The following WWC1 variants were observed in gnomAD, a reference collection of about 807,000 sequenced individuals.
The protein encoded by WWC1 is protein KIBRA.
A neutral mutation model predicts 138.4 loss-of-function variants in WWC1; 55 were observed. That is an observed-to-expected ratio of 0.40 (90% CI 0.32 to 0.50). The LOEUF (loss-of-function observed/expected upper bound fraction) is 0.50, where lower values mean the gene tolerates loss of function less well. Ranked by LOEUF, WWC1 falls within the 20% of genes least tolerant of loss-of-function variation. The probability of loss-of-function intolerance (pLI) is 0.72; values close to 1 mark genes in which losing one functional copy is unlikely to be tolerated. For synonymous variants in WWC1, 524 were observed against 564.9 expected, an observed-to-expected ratio of 0.93 and a Z score of 1.03; for missense variants, 1,226 against 1,420.4, an observed-to-expected ratio of 0.86 and a Z score of 2.20.
At chr5:168,457,156 T>A (rs1057177254) in intron 19 of WWC1, among the ~76,000 whole-genome samples, 2 of 151,710 alleles carry the variant, frequency 1.3e-5, no homozygotes, top group African/African-American at 4.8e-5. Flanking sequence ...TTTTTTTTTT[T>A]TTTTTTAGCA....
At chr5:168,428,339 A>G (rs936198375) in intron 12 of WWC1, among the ~76,000 whole-genome samples, 198 bp downstream of exon 12, 9 of 152,156 alleles carry the variant, frequency 5.9e-5, no homozygotes, top group Non-Finnish European at 1.3e-4. Context: ...GAGATGCTTC[A>G]GGTTTGGGGG....
intron 1 of WWC1, among the ~76,000 whole-genome samples, chr5:168,364,784 G>A (rs918324155): frequency 2.3e-4 from 35 of 152,268 alleles, no homozygotes; most frequent in African/African-American, 6.5e-4. Context: ...CCCCAGAGCC[G>A]CCAAAGCTGA....
chr5:168,372,053 TTG>T (rs10595228), intron 2 of WWC1, among the ~76,000 whole-genome samples: 18,793 of 141,090 alleles, frequency 0.13, 1,441 homozygotes, highest in East Asian at 0.26. Context: ...AAGAGTGTGT[TTG>T]TGTGTGTGTG....
intron 6 of WWC1, among the ~76,000 whole-genome samples, chr5:168,406,983 T>C (rs1167906215): frequency 1.3e-5 from 2 of 149,236 alleles, no homozygotes; most frequent in Non-Finnish European, 3.0e-5. Flanking sequence ...AGAGAGAGAG[T>C]CTTGCTATGT....
chr5:168,324,494 C>G (rs566554731), intron 1 of WWC1, among the ~76,000 whole-genome samples: 20 of 152,062 alleles, frequency 1.3e-4, no homozygotes, highest in South Asian at 1.0e-3. Context: ...AAACTTAGAT[C>G]TACGTGAGAA....
Position 168,346,853 on chromosome 5 carries a change from T to C in WWC1, c.120-24571T>C, listed in dbSNP as rs554877918. Among the ~76,000 whole-genome samples the C allele has an allele frequency of 1.5e-4, 23 of 152,146 alleles. 1 individual carries two copies. Among genetic ancestry groups the C allele is most frequent in the Non-Finnish European group, 2.8e-4 (19 of 68,030 alleles). ...ATTAGAGGAGGAGCCGTTTGGTTGG[T>C]GTCAGGCACTGTGTTTCGACCTGTT... is the stretch of plus-strand genomic sequence containing the variant. On this transcript the variant is annotated intron_variant, in intron 1 of 22. Transcript: ENST00000265293.
At chr5:168,394,623 G>A (rs1350568210) in intron 3 of WWC1, among the ~76,000 whole-genome samples, 1 of 152,196 alleles carries the variant, frequency 6.6e-6, no homozygotes, top group Non-Finnish European at 1.5e-5. Context: ...CTACTCGGGA[G>A]GCTGAGGCAG....
chr5:168,428,640 C>A, intron 12 of WWC1, 67 bp from the exon 13 acceptor site: 1 of 1,516,914 alleles, frequency 6.6e-7, no homozygotes, highest in Non-Finnish European at 9.1e-7. Context: ...GGGATGTAAC[C>A]TCAGCCTCCC....
chr5:168,392,943 G>A (rs1006890638), intron 3 of WWC1, among the ~76,000 whole-genome samples: 6 of 152,062 alleles, frequency 3.9e-5, no homozygotes, highest in African/African-American at 1.4e-4. Context: ...ATATGGTCAG[G>A]AAACAAGAAC....
In WWC1 at chr5:168,429,895, A is replaced by C. The variant is rs577103847; in HGVS notation, c.2001-242A>C. Among the ~76,000 whole-genome samples the C allele has an allele frequency of 3.3e-5, 5 of 152,228 alleles. No individual in the cohort carries two copies. The South Asian group carries it at 8.3e-4, about 25-fold the overall frequency. On this transcript the variant is annotated intron_variant, in intron 13 of 22. Coordinates refer to ENST00000265293, the MANE Select transcript of WWC1 (RefSeq NM_015238.3). ...GGCTACCATGAGCCCCGATCATGCC[A>C]CTGCACTCAACCTGGATGACAGAGT...
Position 168,395,669 on chromosome 5 carries a change from C to T in WWC1, c.434-2055C>T, listed in dbSNP as rs1246246596. Among the ~76,000 whole-genome samples the T allele has an allele frequency of 2.6e-5, 4 of 152,306 alleles. No individual in the cohort carries two copies. The East Asian group carries it at 7.7e-4, about 29-fold the overall frequency. Reference sequence around the variant, plus strand: ...AAACTTTAAATTGGCAATAAAACATCTCTGTACATGGATTCCCTGTTCCAT... The same window carrying T: ...AAACTTTAAATTGGCAATAAAACATTTCTGTACATGGATTCCCTGTTCCAT... On this transcript the variant is annotated intron_variant, in intron 3 of 22. Coordinates refer to ENST00000265293, the MANE Select transcript of WWC1 (RefSeq NM_015238.3).
At chr5:168,323,183 G>A (rs1772258641) in intron 1 of WWC1, among the ~76,000 whole-genome samples, 1 of 152,140 alleles carries the variant, frequency 6.6e-6, no homozygotes, top group African/African-American at 2.4e-5. Context: ...TGCTAGATGA[G>A]TTTAATAGTA....
At chr5:168,446,305 AAGAG>A (rs1168100556) in intron 17 of WWC1, among the ~76,000 whole-genome samples, 1 of 151,072 alleles carries the variant, frequency 6.6e-6, no homozygotes, top group Non-Finnish European at 1.5e-5. Flanking sequence ...GCTATTGCCG[AAGAG>A]AGACTTTCTC....
intron 10 of WWC1, among the ~76,000 whole-genome samples, chr5:168,422,834 G>C (rs1250143001): frequency 6.6e-6 from 1 of 152,008 alleles, no homozygotes; most frequent in Admixed American, 6.5e-5. Context: ...TTTTAATATA[G>C]ATGTTTTAAA....
At chr5:168,455,286 T>G in intron 18 of WWC1, 70 bp from the exon 19 acceptor site, 1 of 1,493,116 alleles carries the variant, frequency 6.7e-7, no homozygotes, top group Non-Finnish European at 8.9e-7. Context: ...GAGGAGCAGC[T>G]GAGTGGTCTC....
intron 14 of WWC1, 41 bp from the exon 15 acceptor site, chr5:168,431,211 T>C (rs761151930): frequency 1.9e-6 from 3 of 1,561,794 alleles, no homozygotes; most frequent in East Asian, 4.5e-5. Flanking sequence ...GCCCCAGACA[T>C]GGGCTGACCC....
At chr5:168,327,412 G>T (rs1772656629) in intron 1 of WWC1, among the ~76,000 whole-genome samples, 1 of 152,246 alleles carries the variant, frequency 6.6e-6, no homozygotes. Flanking sequence ...GTTTATGATG[G>T]AAAGGATCTT....
intron 1 of WWC1, among the ~76,000 whole-genome samples, chr5:168,357,493 T>TGTGTGTGTGTGTGTGCGC (rs1353607261): frequency 8.3e-6 from 1 of 119,810 alleles, no homozygotes; most frequent in African/African-American, 4.3e-5. Flanking sequence ...TGTGTGTGTG[T>TGTGTGTGTGTGTGTGCGC]GCGCGCGCGC....
At chr5:168,457,851 T>A (rs1446038507) in intron 19 of WWC1, among the ~76,000 whole-genome samples, 1 of 152,232 alleles carries the variant, frequency 6.6e-6, no homozygotes, top group Non-Finnish European at 1.5e-5. Flanking sequence ...GGCTTTTCCC[T>A]GAGATAAAAA....
Sources: gnomAD v4.1 joint callset for allele counts (sites outside exome capture counted in the v4.1 genomes callset) on GRCh38, gnomAD v4.1.1 for gene constraint, MANE v1.5 for transcripts, NCBI Gene and HGNC (gene_info 2026-07-23, HGNC 2026-07-21) for gene names.